The following ME3 variants were observed in gnomAD, a reference collection of about 807,000 sequenced individuals.
ME3 encodes NADP-dependent malic enzyme, mitochondrial.
ME3 carries 48 observed loss-of-function variants against 68.9 expected under a neutral mutation model. The observed-to-expected ratio is 0.70, with a 90% confidence interval of 0.55 to 0.89. The LOEUF (loss-of-function observed/expected upper bound fraction) is 0.89. Among genes scored for constraint, ME3 ranks in the 40% least tolerant of loss-of-function variants. ME3 has a pLI of 0.00. For missense variants in ME3, 675 were observed against 797.4 expected (o/e 0.85, Z 1.85); for synonymous variants, 320 against 318.8 (o/e 1.00, Z -0.04).
chr11:86,601,990 C>G (rs201914370), intron 2 of ME3, among the ~76,000 whole-genome samples: 10,018 of 143,968 alleles, frequency 0.07, 308 homozygotes, highest in East Asian at 0.16. Flanking sequence ...AACCCACAGC[C>G]AATATCATAC....
At chr11:86,534,105 A>G (rs1452402111) in intron 4 of ME3, among the ~76,000 whole-genome samples, 1 of 149,414 alleles carries the variant, frequency 6.7e-6, no homozygotes, top group African/African-American at 2.5e-5. Flanking sequence ...ATATATATAT[A>G]TATATGTAAA....
At chr11:86,439,934 A>G (rs1041823460), downstream of ME3, among the ~76,000 whole-genome samples, 4 of 152,122 alleles carry the variant, frequency 2.6e-5, no homozygotes, top group Non-Finnish European at 2.9e-5. Flanking sequence ...TTCATTCTCT[A>G]TGATCCCAAG....
chr11:86,464,100 T>G (rs539390177), intron 8 of ME3: 2 of 452,682 alleles, frequency 4.4e-6, no homozygotes, highest in Non-Finnish European at 4.4e-6. Context: ...AGAAAAGTTG[T>G]GACCTCTTTG....
chr11:86,613,101 G>C (rs546208146), intron 2 of ME3, among the ~76,000 whole-genome samples: 1 of 152,060 alleles, frequency 6.6e-6, no homozygotes, highest in South Asian at 2.1e-4. Flanking sequence ...GAAAGGAAGG[G>C]GTCCAGTTTC....
intron 6 of ME3, among the ~76,000 whole-genome samples, chr11:86,493,812 T>C (rs1395780469): frequency 6.6e-6 from 1 of 151,696 alleles, no homozygotes; most frequent in African/African-American, 2.4e-5. Flanking sequence ...CCTGGAGGGG[T>C]GTTGTCTTTG....
intron 2 of ME3, among the ~76,000 whole-genome samples, chr11:86,635,456 G>T (rs1944275381): frequency 6.6e-6 from 1 of 152,182 alleles, no homozygotes; most frequent in Admixed American, 6.5e-5. Context: ...TGTTATGATA[G>T]CCTGCTGTGG....
chr11:86,470,163 C>T (rs1421280405), intron 7 of ME3, among the ~76,000 whole-genome samples: 1 of 152,108 alleles, frequency 6.6e-6, no homozygotes, highest in Non-Finnish European at 1.5e-5. Context: ...TTTTCAAACA[C>T]CTGGGTCTGA....
intron 7 of ME3, among the ~76,000 whole-genome samples, chr11:86,485,493 A>G (rs1390307747): frequency 2.6e-4 from 40 of 152,180 alleles, no homozygotes; most frequent in Non-Finnish European, 4.4e-5. Context: ...TTTAGTGGCC[A>G]TATCCCAATA....
At chr11:86,450,332 T>C (rs748002197) in exon 9 of ME3, 2 of 1,614,106 alleles carry the variant, frequency 1.2e-6, no homozygotes, top group Admixed American at 1.7e-5. Flanking sequence ...AAACACGTGA[T>C]TGGAAAGCTT....
intron 2 of ME3, among the ~76,000 whole-genome samples, chr11:86,602,261 G>C (rs983662125): frequency 6.7e-6 from 1 of 148,194 alleles, no homozygotes; most frequent in Non-Finnish European, 1.5e-5. Flanking sequence ...CAAAGTCTCA[G>C]GATACAAAAT....
chr11:86,565,798 A>G (rs1957452023), intron 2 of ME3, among the ~76,000 whole-genome samples: 1 of 152,148 alleles, frequency 6.6e-6, no homozygotes, highest in African/African-American at 2.4e-5. Context: ...TCTTTCACAG[A>G]CCAGCATTTT....
At chr11:86,455,611 C>T (rs1949871912) in intron 8 of ME3, among the ~76,000 whole-genome samples, 1 of 152,210 alleles carries the variant, frequency 6.6e-6, no homozygotes, top group South Asian at 2.1e-4. Flanking sequence ...CTACACATAT[C>T]ATGCATGTTT....
chr11:86,516,180 C>G (rs145155442), intron 4 of ME3, among the ~76,000 whole-genome samples: 1 of 152,196 alleles, frequency 6.6e-6, no homozygotes, highest in African/African-American at 2.4e-5. Flanking sequence ...CTGATTACTT[C>G]TCCCAAGTTT....
intron 7 of ME3, among the ~76,000 whole-genome samples, chr11:86,483,413 C>G (rs1951521948): frequency 6.6e-6 from 1 of 152,072 alleles, no homozygotes; most frequent in South Asian, 2.1e-4. Context: ...AGGCCAAGGG[C>G]TGTCTGAATT....
At chr11:86,510,700 A>G (rs12362900) in intron 4 of ME3, among the ~76,000 whole-genome samples, 35,924 of 152,020 alleles carry the variant, frequency 0.24, 4,352 homozygotes, top group African/African-American at 0.26. Flanking sequence ...CATTGTGACA[A>G]CCAAGAATAT....
At chr11:86,528,446 A>G (rs1451033989) in intron 4 of ME3, among the ~76,000 whole-genome samples, 2 of 152,180 alleles carry the variant, frequency 1.3e-5, no homozygotes, top group Non-Finnish European at 2.9e-5. Context: ...AGACAGATCA[A>G]TGAGACAGAA....
chr11:86,568,525 T>G (rs1226015176), intron 2 of ME3, among the ~76,000 whole-genome samples: 1 of 152,238 alleles, frequency 6.6e-6, no homozygotes, highest in East Asian at 1.9e-4. Flanking sequence ...CTGAACTCTA[T>G]TTACCCATGG....
intron 2 of ME3, among the ~76,000 whole-genome samples, chr11:86,609,920 C>G (rs192992708): frequency 7.9e-5 from 12 of 152,288 alleles, no homozygotes; most frequent in African/African-American, 2.9e-4. Context: ...AACACTTACT[C>G]AACACATTAT....
chr11:86,598,864 A>C (rs1375871439), intron 2 of ME3, among the ~76,000 whole-genome samples: 1 of 152,150 alleles, frequency 6.6e-6, no homozygotes, highest in East Asian at 1.9e-4. Flanking sequence ...CCTCTAGCAA[A>C]CTCCAACAGA....
Sources: allele counts gnomAD v4.1 joint callset (sites outside exome capture counted in the v4.1 genomes callset), GRCh38; gene constraint gnomAD v4.1.1; transcripts MANE v1.5; gene names NCBI Gene and HGNC (gene_info 2026-07-23, HGNC 2026-07-21).